Variants in DNAH12 observed in about 807,000 individuals in gnomAD.
DNAH12 encodes dynein axonemal heavy chain 12.
DNAH12 carries 285 observed loss-of-function variants against 371.5 expected under a neutral mutation model. The observed-to-expected ratio is 0.77, with a 90% CI of 0.70 to 0.85. DNAH12 has a LOEUF of 0.85. Among genes scored for constraint, DNAH12 ranks in the 40% least tolerant of loss-of-function variants. The pLI, the probability that DNAH12 is intolerant of heterozygous loss-of-function variation, is 0.00. For missense variants in DNAH12, 3,611 were observed against 3,689.4 expected (o/e 0.98, Z 0.55); for synonymous variants, 1,200 against 1,213.0 (o/e 0.99, Z 0.22).
chr3:57,307,458 G>T (rs191643479), intron 69 of DNAH12, among the ~76,000 whole-genome samples: 1 of 152,198 alleles, frequency 6.6e-6, no homozygotes. Flanking sequence ...CTGCGACTGC[G>T]CCCTGTAGCC....
chr3:57,515,047 T>C (rs549629143), intron 4 of DNAH12, among the ~76,000 whole-genome samples: 1 of 152,282 alleles, frequency 6.6e-6, no homozygotes, highest in East Asian at 1.9e-4. Context: ...AAGGAAGCTA[T>C]GCATAGAGAA....
intron 12 of DNAH12, among the ~76,000 whole-genome samples, chr3:57,486,663 T>C (rs1443986238): frequency 2.6e-5 from 4 of 151,728 alleles, no homozygotes; most frequent in African/African-American, 9.7e-5. Flanking sequence ...AAAGCTTGTA[T>C]TGAAGCTGAG....
intron 32 of DNAH12, among the ~76,000 whole-genome samples, chr3:57,430,304 T>C (rs935201363): frequency 6.6e-6 from 1 of 152,204 alleles, no homozygotes. Context: ...AATGCCTATG[T>C]TTCCAAAAAA....
At chr3:57,379,571 T>C (rs933677560) in intron 51 of DNAH12, among the ~76,000 whole-genome samples, 1 of 152,088 alleles carries the variant, frequency 6.6e-6, no homozygotes, top group Non-Finnish European at 1.5e-5. Flanking sequence ...CTGGGTGCAG[T>C]GGCTCACACC....
intron 11 of DNAH12, among the ~76,000 whole-genome samples, chr3:57,494,241 AC>A (rs2067230720): frequency 6.6e-6 from 1 of 151,978 alleles, no homozygotes; most frequent in Non-Finnish European, 1.5e-5. Flanking sequence ...TAAAAACAAA[AC>A]AAAACAAAAC....
intron 2 of DNAH12, among the ~76,000 whole-genome samples, chr3:57,541,174 G>C (rs1487422665): frequency 1.3e-5 from 2 of 151,670 alleles, no homozygotes; most frequent in South Asian, 4.2e-4. Context: ...TGAGTAGCTG[G>C]GATTACAGGC....
chr3:57,409,309 A>AC (rs1553682319), intron 39 of DNAH12, among the ~76,000 whole-genome samples: 2 of 152,144 alleles, frequency 1.3e-5, no homozygotes, highest in African/African-American at 2.4e-5. Context: ...GCCAGTCCTT[A>AC]GACTAAAAGC....
At chr3:57,345,980 CT>C (rs1553657923) in intron 60 of DNAH12, among the ~76,000 whole-genome samples, 1 of 152,038 alleles carries the variant, frequency 6.6e-6, no homozygotes, top group Non-Finnish European at 1.5e-5. Flanking sequence ...AAGTGGACTG[CT>C]GCAGTTGAAA....
At chr3:57,392,881 G>T (rs1223801714) in intron 44 of DNAH12, among the ~76,000 whole-genome samples, 1 of 152,162 alleles carries the variant, frequency 6.6e-6, no homozygotes, top group African/African-American at 2.4e-5. Context: ...CTATTCCTTG[G>T]ATGGGCATAT....
In DNAH12 at chr3:57,335,005, C is replaced by T. The variant is rs140953840; in HGVS notation, c.9675-65G>A. The T allele has an allele frequency of 1.2e-4, 178 of 1,481,262 alleles. 2 individuals are homozygous for T. The Admixed American group carries it at 3.2e-3, about 27-fold the overall frequency. 91.8% of individuals were successfully genotyped at this position (1,481,262 alleles called of 1,614,324 possible). A position where few individuals can be genotyped will look rare whatever the true frequency, so the allele number is the denominator to read the frequency against. ...TTTAAAATTGAATGATGTCAACTTC[C>T]GCTTTTGTAACCTGGATAGAACAAC... On this transcript the variant is annotated intron_variant, in intron 60 of 73. Transcript: ENST00000495027.
At position 57,489,582 on chromosome 3, in the gene DNAH12, T is replaced by C. The variant is rs2067045489; in HGVS notation, c.1441A>G (p.Thr481Ala). The change falls in exon 12 of 74, where the codon ACA becomes GCA. Residue 481 changes from threonine to alanine, a missense_variant. Physicochemically the swap from Thr to Ala is moderately conservative, Grantham distance 58. This residue lies in a region of DNAH12 where 1,314 missense variants were observed against 1,398.7 expected (regional missense o/e 0.94). Transcript: ENST00000495027. The stretch of plus-strand genomic sequence containing the variant: ...TTTGCAAAGGCTTTTGCTTTATTTG[T>C]CAGGCCTGTCTTCAAATCTTCACAA... Reference protein sequence around the residue: ...LDCEDLKTGLTNKAKAFANIL... With the variant: ...LDCEDLKTGLANKAKAFANIL... The C allele has an allele frequency of 1.4e-5, 22 of 1,541,116 alleles. No individual in the cohort carries two copies. The highest frequency in any genetic ancestry group is 1.9e-5 in the Non-Finnish European group (22 of 1,144,036).
At chr3:57,359,559 CAAAAAAAAA>C (rs1268515074) in intron 58 of DNAH12, among the ~76,000 whole-genome samples, 2 of 72,124 alleles carry the variant, frequency 2.8e-5, no homozygotes, top group African/African-American at 4.4e-5. Flanking sequence ...AACTCCATCT[CAAAAAAAAA>C]AAAAAAAAAA....
chr3:57,332,242 T>C (rs2062116340), intron 62 of DNAH12, among the ~76,000 whole-genome samples: 1 of 152,248 alleles, frequency 6.6e-6, no homozygotes, highest in Non-Finnish European at 1.5e-5. Context: ...ATGATCACCT[T>C]TCTTAAATTT....
chr3:57,407,535 A>T (rs1553681685), intron 40 of DNAH12, among the ~76,000 whole-genome samples: 1 of 152,188 alleles, frequency 6.6e-6, no homozygotes, highest in East Asian at 1.9e-4. Flanking sequence ...TTGGAAATGG[A>T]TGGAAGGATT....
chr3:57,293,941 G>A lies in DNAH12; in HGVS notation c.11723C>T (p.Ala3908Val), dbSNP rs1202630846. 5 of 1,434,902 alleles carry A rather than the reference G, an allele frequency of 3.5e-6. No homozygotes were observed. The highest frequency in any genetic ancestry group is 1.5e-5 in the African/African-American group (1 of 67,622). The allele number at this position is 1,434,902 out of a possible 1,614,324, so 88.9% of individuals were successfully genotyped here. The change falls in exon 74 of 74, where the codon GCC (alanine) becomes GTC (valine). Residue 3908 changes from alanine to valine, a missense_variant. Physicochemically the swap from Ala to Val is moderately conservative, Grantham distance 64. Coordinates refer to ENST00000495027, the MANE Select transcript of DNAH12 (RefSeq NM_001366028.2). ...TQKSRIIKSD[A>V]YVCPLYKTSE... The stretch of plus-strand genomic sequence containing the variant: ...TGTCTTGTAGAGGGGACAGACATAG[G>A]CATCCGACTTTATAATCCGAGATTT...
Position 57,408,423 on chromosome 3 carries a change from A to C in DNAH12, c.6133T>G (p.Phe2045Val). ...NPVTPRCIRH[F>V]NICSINSFSD... is the part of the protein sequence containing the mutation. The stretch of plus-strand genomic sequence containing the variant: ...AAAGAATTAATACTGCAGATGTTGA[A>C]ATGTCGAATACAACGGGGAGTAACT... Residue 2045 changes from phenylalanine (F) to valine (V), a missense_variant, in exon 40 of 74, where the codon TTC (phenylalanine) becomes GTC (valine). By Grantham distance (50) the Phe-to-Val change is conservative. Coordinates refer to ENST00000495027, the MANE Select transcript of DNAH12 (RefSeq NM_001366028.2). 6.4e-7 allele frequency: 1 copy of C among 1,551,556 alleles called. No homozygotes were observed. Among genetic ancestry groups the C allele is most frequent in the Non-Finnish European group, 8.7e-7 (1 of 1,146,912 alleles).
At chr3:57,338,245 C>G (rs1250768814) in intron 60 of DNAH12, among the ~76,000 whole-genome samples, 3 of 152,206 alleles carry the variant, frequency 2.0e-5, no homozygotes, top group African/African-American at 7.2e-5. Flanking sequence ...CTCCTGACCT[C>G]GAGTGATCTG....
chr3:57,551,490 C>G, the DNAH12 span, among the ~76,000 whole-genome samples: 3 of 151,888 alleles, frequency 2.0e-5, no homozygotes, highest in Non-Finnish European at 4.4e-5. Context: ...CCAGGATGGT[C>G]TCAATCTCCT....
chr3:57,536,598 T>C (rs1167365472), intron 2 of DNAH12, among the ~76,000 whole-genome samples: 1 of 152,184 alleles, frequency 6.6e-6, no homozygotes, highest in Non-Finnish European at 1.5e-5. Flanking sequence ...CCTTTCTTTG[T>C]TAATCTTCAA....
Sources: allele counts gnomAD v4.1 joint callset (sites outside exome capture counted in the v4.1 genomes callset), GRCh38; gene constraint gnomAD v4.1.1; regional missense constraint gnomAD v4.1.1; transcripts MANE v1.5; gene names NCBI Gene and HGNC (gene_info 2026-07-23, HGNC 2026-07-21).